CEP350: variants seen among roughly 807,000 people sequenced by gnomAD.
CEP350 encodes the protein centrosome-associated protein 350.
In CEP350, 126 loss-of-function variants were observed where a neutral mutation model predicts 331.8. The ratio of observed to expected loss-of-function variants is 0.38; its 90% CI spans 0.33 to 0.44. The LOEUF is 0.44. Among genes scored for constraint, CEP350 ranks in the 20% least tolerant of loss-of-function variants. The pLI is 1.00. For missense variants in CEP350, 3,406 were observed against 3,634.6 expected, an observed-to-expected ratio of 0.94 and a Z score of 1.62; for synonymous variants, 1,200 against 1,259.5, an observed-to-expected ratio of 0.95 and a Z score of 1.00.
intron 27 of CEP350, among the ~76,000 whole-genome samples, chr1:180,071,791 AG>A (rs1032153498): frequency 1.8e-4 from 28 of 151,848 alleles, no homozygotes; most frequent in African/African-American, 6.5e-4. Flanking sequence ...CAAAAAAAAA[AG>A]AGCGAATTAA....
intron 21 of CEP350, among the ~76,000 whole-genome samples, chr1:180,047,373 G>T (rs139025908): frequency 0.023 from 3,431 of 152,198 alleles, 52 homozygotes; most frequent in Non-Finnish European, 0.033. Flanking sequence ...ATCAAGGGAA[G>T]GGCAAAGATA....
At chr1:180,102,260 G>A (rs926105856) in intron 37 of CEP350, among the ~76,000 whole-genome samples, 8 of 151,444 alleles carry the variant, frequency 5.3e-5, no homozygotes, top group Non-Finnish European at 8.8e-5. Context: ...CTCAGTCTCC[G>A]GAGTAGCTGG....
chr1:180,030,742 G>A (rs1655972924), intron 14 of CEP350, among the ~76,000 whole-genome samples: 1 of 151,980 alleles, frequency 6.6e-6, no homozygotes, highest in Admixed American at 6.6e-5. Context: ...ATTTAGACAG[G>A]TATTCTCTTG....
intron 8 of CEP350, among the ~76,000 whole-genome samples, chr1:180,007,054 G>A (rs1654309632): frequency 1.3e-5 from 2 of 152,094 alleles, no homozygotes; most frequent in Non-Finnish European, 2.9e-5. Context: ...ATTGTGAGTG[G>A]TGCTGCAATA....
At chr1:180,102,797 A>G (rs1157927951) in intron 37 of CEP350, among the ~76,000 whole-genome samples, 1 of 152,226 alleles carries the variant, frequency 6.6e-6, no homozygotes, top group Non-Finnish European at 1.5e-5. Context: ...TTAGCTGTAT[A>G]TAGAATTTTA....
rs754318841 is a variant in CEP350, at chr1:180,078,651, T to G, written c.5956T>G (p.Ser1986Ala). 6 of 1,608,374 alleles carry G rather than the reference T, an allele frequency of 3.7e-6. No individual in the cohort carries two copies. The highest frequency in any genetic ancestry group is 5.1e-6 in the Non-Finnish European group (6 of 1,177,078). ...AATGATTTGTTCACAGGAACTAGAA[T>G]CTTCTACCTCTCCTAGTAAACATGT... is the stretch of plus-strand genomic sequence containing the variant. The part of the protein sequence containing the change: ...EEMICSQELE[S>A]STSPSKHSLP... Residue 1986 changes from serine to alanine, a missense_variant, in exon 29 of 38, where the codon TCT (serine) becomes GCT (alanine). Ser to Ala is a moderately conservative substitution (Grantham distance 99). Transcript: ENST00000367607.
rs757819005 is a variant in CEP350, at chr1:180,094,266, G to T, written c.8161G>T (p.Asp2721Tyr). The T allele has an allele frequency of 8.1e-6, 13 of 1,613,466 alleles. No individual in the cohort carries two copies. The highest frequency in any genetic ancestry group is 1.1e-5 in the Non-Finnish European group (13 of 1,179,678). The part of the protein sequence containing the change: ...ASEKLCTPLL[D>Y]LLTREKNQLE... ...AGAAAAGCTTTGTACACCACTTCTG[G>T]ATCTTTTAACAAGAGAAAAAAACCA... Residue 2721 changes from aspartate (D) to tyrosine (Y), a missense_variant, in exon 34 of 38, where the codon GAT becomes TAT. Transcript: ENST00000367607.
At chr1:180,006,166 A>G (rs1654240320) in intron 7 of CEP350, among the ~76,000 whole-genome samples, 1 of 152,192 alleles carries the variant, frequency 6.6e-6, no homozygotes, top group Non-Finnish European at 1.5e-5. Flanking sequence ...CTTGGAAAGC[A>G]TTTGTGAAAC....
chr1:180,042,498 G>T (rs530161696), intron 19 of CEP350, among the ~76,000 whole-genome samples: 1 of 152,162 alleles, frequency 6.6e-6, no homozygotes, highest in East Asian at 1.9e-4. Context: ...CTATATGTTG[G>T]GTACTGTGGA....
chr1:179,991,707 GTATATATATA>G (rs756278179), intron 4 of CEP350, among the ~76,000 whole-genome samples: 72 of 96,972 alleles, frequency 7.4e-4, no homozygotes, highest in African/African-American at 2.6e-3. Context: ...GTGTGTGTGT[GTATATATATA>G]TATATATACA....
chr1:180,075,959 G>C (rs904341989), intron 28 of CEP350, among the ~76,000 whole-genome samples: 1 of 145,792 alleles, frequency 6.9e-6, no homozygotes, highest in African/African-American at 2.5e-5. Context: ...GTATCTCAAG[G>C]AAAAAAAAAA....
Position 180,095,891 on chromosome 1 carries a change from T to C in CEP350, c.8880T>C (p.Gly2960=). The C allele has an allele frequency of 6.2e-7, 1 of 1,610,346 alleles. No homozygotes were observed. The highest frequency in any genetic ancestry group is 8.5e-7 in the Non-Finnish European group (1 of 1,178,572). The change falls in exon 35 of 38, where the codon GGT becomes GGC. Residue 2960 remains glycine (G), a synonymous_variant. Transcript: ENST00000367607. ...AACTGCTTGGCTGTGCCAGTAAAGG[T>C]CTAGATATAGAAAGCACTAGTAAAA... ...PTKLLGCASK[G]LDIESTSKRV... is the part of the protein sequence containing the mutation.
Position 179,997,171 on chromosome 1 carries a change from T to A in CEP350, c.1014T>A (p.Tyr338Ter). Reference sequence around the variant, plus strand: ...CAACAGCACCACCTGCTCCAGCATATAAAGGTTTGTAATCAGTCTTTATAT... The same window carrying A: ...CAACAGCACCACCTGCTCCAGCATAAAAAGGTTTGTAATCAGTCTTTATAT... ...KVATAPPAPA[Y>*]KGFNPSETKI... The change falls in exon 6 of 38, where the codon TAT becomes TAA. Residue 338 changes from tyrosine to a stop codon, truncating the protein, a stop_gained. Transcript: ENST00000367607. LOFTEE classifies it high-confidence loss of function. 6.2e-7 allele frequency: 1 copy of A among 1,609,718 alleles called. No individual in the cohort carries two copies. The highest frequency in any genetic ancestry group is 8.5e-7 in the Non-Finnish European group (1 of 1,178,032).
intron 30 of CEP350, among the ~76,000 whole-genome samples, chr1:180,082,015 C>G (rs956903364): frequency 4.6e-5 from 7 of 152,306 alleles, no homozygotes; most frequent in South Asian, 2.1e-4. Flanking sequence ...TGTCAGTAGA[C>G]ATAAACTTGA....
At chr1:179,974,180 T>G (rs1424898851) in intron 1 of CEP350, among the ~76,000 whole-genome samples, 1 of 151,906 alleles carries the variant, frequency 6.6e-6, no homozygotes, top group African/African-American at 2.4e-5. Flanking sequence ...CTCGGGTTCA[T>G]GCCATTCTCC....
intron 1 of CEP350, among the ~76,000 whole-genome samples, chr1:179,965,993 T>C (rs1650986821): frequency 6.6e-6 from 1 of 152,092 alleles, no homozygotes; most frequent in Non-Finnish European, 1.5e-5. Flanking sequence ...ATGGAGCCCA[T>C]TAAGGAATAG....
chr1:179,996,678 G>A lies in CEP350; in HGVS notation c.521G>A (p.Arg174Gln), dbSNP rs375282138. Reference sequence around the variant, plus strand: ...TGGATGATAGGCAGTCGAGAAGAACGGAATATACGGAGCTGTGATTTTGAG... The same window carrying A: ...TGGATGATAGGCAGTCGAGAAGAACAGAATATACGGAGCTGTGATTTTGAG... ...GNWMIGSREERNIRSCDFESS... is the reference protein window; with the variant it reads ...GNWMIGSREEQNIRSCDFESS... The change falls in exon 6 of 38, where the codon CGG becomes CAG. Residue 174 changes from arginine (R) to glutamine (Q), a missense_variant. By Grantham distance (43) the Arg-to-Gln change is conservative. This residue lies in a region of CEP350 where 1,857 missense variants were observed against 1,909.2 expected (regional missense o/e 0.97). Coordinates refer to ENST00000367607, the MANE Select transcript of CEP350 (RefSeq NM_014810.5). The A allele has an allele frequency of 4.6e-5, 75 of 1,613,486 alleles. No homozygotes were observed. Among genetic ancestry groups the A allele is most frequent in the Non-Finnish European group, 6.0e-5 (71 of 1,179,754 alleles).
intron 27 of CEP350, among the ~76,000 whole-genome samples, chr1:180,068,901 G>C (rs1658713327): frequency 6.6e-6 from 1 of 152,148 alleles, no homozygotes; most frequent in Non-Finnish European, 1.5e-5. Context: ...AGGAAGTTCA[G>C]AAAAGAGAAA....
chr1:180,088,159 A>G (rs1659967960), intron 32 of CEP350, among the ~76,000 whole-genome samples: 1 of 152,308 alleles, frequency 6.6e-6, no homozygotes, highest in African/African-American at 2.4e-5. Flanking sequence ...TATTCTTTAT[A>G]TTCATAAAAC....
Sources: allele counts gnomAD v4.1 joint callset (sites outside exome capture counted in the v4.1 genomes callset), GRCh38; gene constraint gnomAD v4.1.1; regional missense constraint gnomAD v4.1.1; transcripts MANE v1.5; gene names NCBI Gene and HGNC (gene_info 2026-07-23, HGNC 2026-07-21).